Variants in EGFLAM observed in about 807,000 individuals in gnomAD.
The protein encoded by EGFLAM is EGF like, fibronectin type III and laminin G domains, also known as pikachurin.
Under a neutral mutation model 113.1 loss-of-function variants are expected in EGFLAM, and 79 were observed. The observed-to-expected ratio is 0.70, with a 90% CI of 0.58 to 0.84. The LOEUF (loss-of-function observed/expected upper bound fraction) is 0.84, where lower values mean the gene tolerates loss of function less well. Among genes scored for constraint, EGFLAM ranks in the 40% least tolerant of loss-of-function variants. EGFLAM has a pLI of 0.00. For missense variants in EGFLAM, 1,265 were observed against 1,291.6 expected (o/e 0.98, Z 0.32); for synonymous variants, 504 against 487.6 (o/e 1.03, Z -0.44).
intron 1 of EGFLAM, among the ~76,000 whole-genome samples, chr5:38,281,930 C>T (rs1030837701): frequency 6.6e-6 from 1 of 152,100 alleles, no homozygotes; most frequent in African/African-American, 2.4e-5. Context: ...GGTTTCTGGA[C>T]ACAAATGAAA....
intron 6 of EGFLAM, among the ~76,000 whole-genome samples, chr5:38,400,763 A>G (rs1253382069): frequency 6.6e-6 from 1 of 152,198 alleles, no homozygotes; most frequent in East Asian, 1.9e-4. Context: ...ACTGGGTTGC[A>G]GCAGCAGGAG....
intron 4 of EGFLAM, among the ~76,000 whole-genome samples, chr5:38,351,212 G>C (rs528898724): frequency 2.0e-5 from 3 of 151,564 alleles, no homozygotes; most frequent in African/African-American, 7.3e-5. Context: ...GGGTTCAAGC[G>C]ATTCTTCTGC....
At chr5:38,270,889 T>C (rs1364130656) in intron 1 of EGFLAM, among the ~76,000 whole-genome samples, 1 of 152,226 alleles carries the variant, frequency 6.6e-6, no homozygotes, top group African/African-American at 2.4e-5. Context: ...GGTAGAGATG[T>C]TAACTTTTCT....
chr5:38,322,109 T>C lies in EGFLAM; in HGVS notation c.98-15411T>C, dbSNP rs540273530. Among the ~76,000 whole-genome samples the C allele has an allele frequency of 2.2e-3, 330 of 152,214 alleles. 1 individual carries two copies. The highest frequency in any genetic ancestry group is 7.5e-3 in the African/African-American group (310 of 41,540). On this transcript the variant is annotated intron_variant, in intron 1 of 21. Coordinates refer to ENST00000322350, the MANE Select transcript of EGFLAM (RefSeq NM_152403.4). ...CCCCAGGCCTCACCCTGTCCCTCCC[T>C]GAAGGATGTTCATATGCACACGCAT...
intron 3 of EGFLAM, among the ~76,000 whole-genome samples, chr5:38,339,981 T>C (rs1739295247): frequency 6.6e-6 from 1 of 151,888 alleles, no homozygotes; most frequent in South Asian, 2.1e-4. Flanking sequence ...CACCAAGGAG[T>C]CTGATTGTCC....
At position 38,464,017 on chromosome 5, in the gene EGFLAM, C is replaced by T. The variant is rs1224619454; in HGVS notation, c.*31C>T. The T allele has an allele frequency of 2.5e-6, 4 of 1,613,648 alleles. No individual in the cohort carries two copies. The highest frequency in any genetic ancestry group is 3.4e-6 in the Non-Finnish European group (4 of 1,179,712). ...GCTGGCCTTGTCCAAGGGACAGAGCCTTCTATTCTGAGAATCCCAGGGGCC... is the reference window on the plus strand; with the variant it reads ...GCTGGCCTTGTCCAAGGGACAGAGCTTTCTATTCTGAGAATCCCAGGGGCC... On this transcript the variant is annotated 3_prime_UTR_variant, in exon 22 of 22. Coordinates refer to ENST00000322350, the MANE Select transcript of EGFLAM (RefSeq NM_152403.4).
intron 9 of EGFLAM, among the ~76,000 whole-genome samples, 157 bp downstream of exon 9, chr5:38,408,062 T>C (rs546670452): frequency 4.7e-4 from 72 of 152,198 alleles, no homozygotes; most frequent in Non-Finnish European, 7.4e-5. Flanking sequence ...CATGAGACAA[T>C]AGGAATGAAG....
chr5:38,419,483 C>G (rs897453717), intron 12 of EGFLAM, among the ~76,000 whole-genome samples: 4 of 152,192 alleles, frequency 2.6e-5, no homozygotes. Flanking sequence ...CATAGTCTCA[C>G]TGCCTAGATT....
chr5:38,456,541 G>T (rs908682129), intron 19 of EGFLAM, among the ~76,000 whole-genome samples: 1 of 152,098 alleles, frequency 6.6e-6, no homozygotes, highest in Admixed American at 6.6e-5. Context: ...AGAAAACAGT[G>T]GACTTTTCAG....
At chr5:38,421,573 A>C (rs2112173925) in intron 12 of EGFLAM, among the ~76,000 whole-genome samples, 1 of 152,348 alleles carries the variant, frequency 6.6e-6, no homozygotes, top group South Asian at 2.1e-4. Flanking sequence ...CTGGAGATCA[A>C]GTAATGAACA....
At position 38,448,518 on chromosome 5, in the gene EGFLAM, C is replaced by A. The variant is rs184121298; in HGVS notation, c.2543+139C>A. On this transcript the variant is annotated intron_variant, in intron 18 of 21. Coordinates refer to ENST00000322350, the MANE Select transcript of EGFLAM (RefSeq NM_152403.4). ...TTCAGCCATGGCCTCAGGGGAAAAA[C>A]ACACACAACAAGAAATAAACATAGA... 1.1e-4 allele frequency: 91 copies of A among 791,510 alleles called. 3 individuals are homozygous for A. The Admixed American group carries it at 2.3e-3, about 20-fold the overall frequency. The allele number at this position is 791,510 out of a possible 1,614,324, so 49.0% of individuals were successfully genotyped here.
At chr5:38,317,412 C>CT (rs1330200889) in intron 1 of EGFLAM, among the ~76,000 whole-genome samples, 10 of 152,184 alleles carry the variant, frequency 6.6e-5, no homozygotes, top group African/African-American at 2.4e-4. Context: ...GCCTTGGAGT[C>CT]TATGTCTGCC....
At chr5:38,278,979 A>G (rs533379000) in intron 1 of EGFLAM, among the ~76,000 whole-genome samples, 4 of 152,314 alleles carry the variant, frequency 2.6e-5, no homozygotes, top group African/African-American at 7.2e-5. Context: ...ATAAGGGGCT[A>G]ATATCCAAAA....
chr5:38,306,913 T>C (rs1758731663), intron 1 of EGFLAM, among the ~76,000 whole-genome samples: 1 of 152,012 alleles, frequency 6.6e-6, no homozygotes, highest in African/African-American at 2.4e-5. Flanking sequence ...ATATGAAGAG[T>C]CCTCACACAG....
intron 1 of EGFLAM, among the ~76,000 whole-genome samples, chr5:38,308,224 G>A (rs1421702293): frequency 1.3e-5 from 2 of 152,216 alleles, no homozygotes; most frequent in East Asian, 3.8e-4. Flanking sequence ...CAGAGTTCTT[G>A]TTAACATTTT....
chr5:38,375,515 A>T (rs1435551767), intron 6 of EGFLAM, among the ~76,000 whole-genome samples: 1 of 152,072 alleles, frequency 6.6e-6, no homozygotes, highest in East Asian at 1.9e-4. Context: ...GACACAGGCC[A>T]CTCCCTGGGG....
intron 15 of EGFLAM, among the ~76,000 whole-genome samples, 177 bp from the exon 16 acceptor site, chr5:38,434,960 G>T (rs1295404549): frequency 6.6e-6 from 1 of 152,200 alleles, no homozygotes; most frequent in Non-Finnish European, 1.5e-5. Context: ...TCAGGCAGGT[G>T]GTAAGGAGCA....
At chr5:38,435,584 G>A (rs570468460) in intron 16 of EGFLAM, among the ~76,000 whole-genome samples, 11 of 152,222 alleles carry the variant, frequency 7.2e-5, no homozygotes, top group South Asian at 2.1e-4. Context: ...AGGGAAGGAG[G>A]TGGACGGAGG....
chr5:38,354,777 T>C (rs1739723194), intron 5 of EGFLAM, among the ~76,000 whole-genome samples: 1 of 152,252 alleles, frequency 6.6e-6, no homozygotes, highest in Non-Finnish European at 1.5e-5. Flanking sequence ...GCCTGGCAGA[T>C]AATCTGTGTA....
Sources: allele counts gnomAD v4.1 joint callset (sites outside exome capture counted in the v4.1 genomes callset), GRCh38; gene constraint gnomAD v4.1.1; transcripts MANE v1.5; gene names NCBI Gene and HGNC (gene_info 2026-07-23, HGNC 2026-07-21).